DNAH8: variants seen among roughly 807,000 people sequenced by gnomAD.
The protein encoded by DNAH8 is dynein axonemal heavy chain 8, also known as axonemal beta dynein heavy chain 8.
A neutral mutation model predicts 562.1 loss-of-function variants in DNAH8; 382 were observed. The ratio of observed to expected loss-of-function variants is 0.68; its 90% CI spans 0.63 to 0.74. The LOEUF is 0.74. Among genes scored for constraint, DNAH8 ranks in the 30% least tolerant of loss-of-function variants. The pLI, the probability that DNAH8 is intolerant of heterozygous loss-of-function variation, is 0.00. For synonymous variants in DNAH8, 1,881 were observed against 1,919.4 expected (o/e 0.98, Z 0.52); for missense variants, 5,203 against 5,620.4 (o/e 0.93, Z 2.37).
Position 38,886,815 on chromosome 6 carries a change from A to G in DNAH8, c.8284A>G (p.Met2762Val). 2 of 1,614,076 alleles carry G rather than the reference A, an allele frequency of 1.2e-6. No individual in the cohort carries two copies. The highest frequency in any genetic ancestry group is 1.7e-6 in the Non-Finnish European group (2 of 1,179,936). Residue 2762 changes from methionine to valine, a missense_variant, in exon 57 of 93, where the codon ATG (methionine) becomes GTG (valine). Physicochemically the swap from Met to Val is conservative, Grantham distance 21. Coordinates refer to ENST00000327475, the MANE Select transcript of DNAH8 (RefSeq NM_001206927.2). ...DQITNEIVRQ[M>V]MEMEGMYSLD... ...GATAACTAATGAGATTGTGCGACAG[A>G]TGATGGAAATGGAAGGAATGTACAG...
intron 88 of DNAH8, among the ~76,000 whole-genome samples, chr6:39,007,737 A>G (rs774989870): frequency 6.6e-6 from 1 of 152,044 alleles, no homozygotes; most frequent in Non-Finnish European, 1.5e-5. Flanking sequence ...AATGCACTGA[A>G]ACCCTTTTCA....
chr6:38,767,403 C>T (rs1562709542), intron 11 of DNAH8, among the ~76,000 whole-genome samples: 2 of 151,028 alleles, frequency 1.3e-5, no homozygotes, highest in Non-Finnish European at 2.9e-5. Flanking sequence ...CACCATTGCA[C>T]TCCAGCCTGG....
chr6:39,022,013 C>T (rs1214752674), intron 91 of DNAH8, among the ~76,000 whole-genome samples: 1 of 152,140 alleles, frequency 6.6e-6, no homozygotes, highest in East Asian at 1.9e-4. Flanking sequence ...TGGATTACTA[C>T]TATTATAGGA....
At chr6:38,899,281 C>T (rs1779904799) in intron 61 of DNAH8, among the ~76,000 whole-genome samples, 2 of 152,070 alleles carry the variant, frequency 1.3e-5, no homozygotes, top group South Asian at 4.1e-4. Context: ...ATCCTCCTAC[C>T]CCACTGTAAA....
At chr6:38,973,847 T>C (rs1445393550) in intron 84 of DNAH8, 34 bp downstream of exon 84, 4 of 1,546,188 alleles carry the variant, frequency 2.6e-6, no homozygotes, top group Admixed American at 3.8e-5. Context: ...TCGAGAGTCA[T>C]AGTAATAAAG....
intron 3 of DNAH8, among the ~76,000 whole-genome samples, chr6:38,725,304 T>TATAATAATAATA (rs10526350): frequency 0.35 from 47,803 of 134,902 alleles, 8,786 homozygotes; most frequent in East Asian, 0.51. Context: ...CTCCAACTCA[T>TATAATAATAATA]ATAATAATAA....
intron 82 of DNAH8, among the ~76,000 whole-genome samples, chr6:38,958,932 G>A (rs1003729086): frequency 6.6e-6 from 1 of 152,100 alleles, no homozygotes; most frequent in African/African-American, 2.4e-5. Context: ...TGCTCCGAAA[G>A]ATCATTCACA....
At chr6:38,847,403 C>G (rs1775384847) in intron 36 of DNAH8, among the ~76,000 whole-genome samples, 1 of 151,666 alleles carries the variant, frequency 6.6e-6, no homozygotes, top group Non-Finnish European at 1.5e-5. Context: ...GTTTACATGT[C>G]CTTATTTGGA....
At chr6:38,796,592 G>A (rs577315674) in intron 21 of DNAH8, among the ~76,000 whole-genome samples, 2 of 152,240 alleles carry the variant, frequency 1.3e-5, no homozygotes, top group South Asian at 4.1e-4. Flanking sequence ...AACTGGTTAT[G>A]TTATCTATAG....
At chr6:38,930,833 A>G (rs1327924943) in intron 75 of DNAH8, among the ~76,000 whole-genome samples, 1 of 152,148 alleles carries the variant, frequency 6.6e-6, no homozygotes, top group African/African-American at 2.4e-5. Context: ...ATCACCACAC[A>G]TGCTGTACCT....
Position 38,857,573 on chromosome 6 carries a change from G to T in DNAH8, c.5789G>T (p.Arg1930Leu), listed in dbSNP as rs758923038. The T allele has an allele frequency of 3.7e-6, 6 of 1,613,932 alleles. No individual in the cohort carries two copies. The highest frequency in any genetic ancestry group is 5.1e-6 in the Non-Finnish European group (6 of 1,179,896). Reference protein sequence around the residue: ...LWTHDSEEALRNAKDDRKIMQ... With the variant: ...LWTHDSEEALLNAKDDRKIMQ... ...ACACACGATTCAGAAGAGGCTTTACGTAATGCAAAAGATGACAGGAAAATC... is the reference window on the plus strand; with the variant it reads ...ACACACGATTCAGAAGAGGCTTTACTTAATGCAAAAGATGACAGGAAAATC... The change falls in exon 42 of 93, where the codon CGT (arginine) becomes CTT (leucine). Residue 1930 changes from arginine to leucine, a missense_variant. By Grantham distance (102) the Arg-to-Leu change is moderately radical (BLOSUM62 -2). Coordinates refer to ENST00000327475, the MANE Select transcript of DNAH8 (RefSeq NM_001206927.2).
rs774982758 is a variant in DNAH8 at position 38,907,974 on chromosome 6, C to T, written c.9367C>T (p.Arg3123Ter). ...SSGEISNLFA[R>*]DEMDEITQGL... The stretch of plus-strand genomic sequence containing the variant: ...CTTAAAGATCTCCAACTTGTTTGCA[C>T]GAGATGAGATGGATGAAATCACCCA... Residue 3123 changes from arginine to a stop codon, truncating the protein, a stop_gained, in exon 64 of 93, where the codon CGA becomes TGA. Coordinates refer to ENST00000327475, the MANE Select transcript of DNAH8 (RefSeq NM_001206927.2). LOFTEE classifies it high-confidence loss of function. 6.9e-6 allele frequency: 11 copies of T among 1,601,980 alleles called. No homozygotes were observed. Among genetic ancestry groups the T allele is most frequent in the South Asian group, 2.3e-5 (2 of 88,386 alleles).
At chr6:38,827,247 CA>C (rs1407910612) in intron 29 of DNAH8, among the ~76,000 whole-genome samples, 1 of 152,154 alleles carries the variant, frequency 6.6e-6, no homozygotes, top group African/African-American at 2.4e-5. Context: ...GTAATCTCCC[CA>C]TGGCAAGCTC....
chr6:38,926,067 G>A lies in DNAH8; in HGVS notation c.10975G>A (p.Gly3659Arg), dbSNP rs1396137972. The change falls in exon 74 of 93, where the codon GGG becomes AGG. Residue 3659 changes from glycine to arginine, a missense_variant. Gly to Arg is a moderately radical substitution (Grantham distance 125). Coordinates refer to ENST00000327475, the MANE Select transcript of DNAH8 (RefSeq NM_001206927.2). ...LVDPPTIGEWGLQGLPGDDLS... is the reference protein window; with the variant it reads ...LVDPPTIGEWRLQGLPGDDLS... Reference sequence around the variant, plus strand: ...TCCTGTTGTTCAGATTGGTGAGTGGGGGCTACAGGGATTACCAGGAGATGA... The same window carrying A: ...TCCTGTTGTTCAGATTGGTGAGTGGAGGCTACAGGGATTACCAGGAGATGA... 1.9e-6 allele frequency: 3 copies of A among 1,613,300 alleles called. No homozygotes were observed. The highest frequency in any genetic ancestry group is 2.5e-6 in the Non-Finnish European group (3 of 1,179,590).
intron 82 of DNAH8, among the ~76,000 whole-genome samples, chr6:38,959,983 T>C (rs1297365282): frequency 6.6e-6 from 1 of 152,086 alleles, no homozygotes; most frequent in African/African-American, 2.4e-5. Flanking sequence ...CCAACTTATC[T>C]TCAACAAAGT....
intron 75 of DNAH8, chr6:38,931,408 A>G (rs2150577173): frequency 6.5e-6 from 1 of 152,782 alleles, no homozygotes; most frequent in South Asian, 2.1e-4. Flanking sequence ...TCCTATAAAC[A>G]CATCAAATTT....
rs1326044099 is a variant in DNAH8 at position 38,886,847 on chromosome 6, C to G, written c.8316C>G (p.Asp2772Glu). The G allele has an allele frequency of 6.2e-7, 1 of 1,614,090 alleles. No homozygotes were observed. Among genetic ancestry groups the G allele is most frequent in the Non-Finnish European group, 8.5e-7 (1 of 1,179,978 alleles). The part of the protein sequence containing the change: ...MMEMEGMYSL[D>E]KPGDFTTIVD... ...AAATGGAAGGAATGTACAGCTTGGACAAGCCTGGAGACTTCACTACTATTG... is the reference window on the plus strand; with the variant it reads ...AAATGGAAGGAATGTACAGCTTGGAGAAGCCTGGAGACTTCACTACTATTG... Residue 2772 changes from aspartate to glutamate, a missense_variant, in exon 57 of 93, where the codon GAC (aspartate) becomes GAG (glutamate). Physicochemically the swap from Asp to Glu is conservative, Grantham distance 45 (BLOSUM62 2). This residue lies in a region of DNAH8 where 977 missense variants were observed against 1,061.8 expected (regional missense o/e 0.92). Coordinates refer to ENST00000327475, the MANE Select transcript of DNAH8 (RefSeq NM_001206927.2).
chr6:38,846,919 A>G (rs1224626723), intron 36 of DNAH8, among the ~76,000 whole-genome samples: 1 of 152,186 alleles, frequency 6.6e-6, no homozygotes, highest in Non-Finnish European at 1.5e-5. Flanking sequence ...GCCCTGCCAG[A>G]AAGAGTATAA....
intron 33 of DNAH8, 34 bp from the exon 34 acceptor site, chr6:38,842,334 C>T (rs1430092869): frequency 6.4e-7 from 1 of 1,550,788 alleles, no homozygotes. Context: ...AAATATTATA[C>T]ATGATGTGAT....
Sources: allele counts gnomAD v4.1 joint callset (sites outside exome capture counted in the v4.1 genomes callset), GRCh38; gene constraint gnomAD v4.1.1; regional missense constraint gnomAD v4.1.1; transcripts MANE v1.5; gene names NCBI Gene and HGNC (gene_info 2026-07-23, HGNC 2026-07-21).